Variants in OAS1 observed in about 807,000 individuals in gnomAD.
OAS1 encodes 2'-5'-oligoadenylate synthetase 1.
OAS1 carries 24 observed loss-of-function variants against 38.5 expected under a neutral mutation model. The observed-to-expected ratio is 0.62, with a 90% CI of 0.45 to 0.88. The LOEUF (loss-of-function observed/expected upper bound fraction) is 0.88, where lower values mean the gene tolerates loss of function less well. Ranked by LOEUF, OAS1 falls within the 40% of genes least tolerant of loss-of-function variation. The probability of loss-of-function intolerance (pLI) is 0.00; values close to 1 mark genes in which losing one functional copy is unlikely to be tolerated. For synonymous variants in OAS1, 169 were observed against 193.9 expected (o/e 0.87, Z 1.07); for missense variants, 482 against 493.9 (o/e 0.98, Z 0.23).
rs750148805 is a variant in OAS1 at position 112,917,542 on chromosome 12, T to G, written c.885-5T>G. 1 of 1,614,076 alleles carries G rather than the reference T, an allele frequency of 6.2e-7. No individual in the cohort carries two copies. ...ACCTGTCCCTCTCTAAATGCTGCTCTGCAGGCCTGTGATCCTGGACCCGGC... is the reference window on the plus strand; with the variant it reads ...ACCTGTCCCTCTCTAAATGCTGCTCGGCAGGCCTGTGATCCTGGACCCGGC... On this transcript the variant is annotated splice_region_variant and splice_polypyrimidine_tract_variant and intron_variant, in intron 4 of 5. Coordinates refer to ENST00000202917, the MANE Select transcript of OAS1 (RefSeq NM_016816.4).
At chr12:112,933,148 A>G (rs1016918243), downstream of OAS1, 2 of 152,090 alleles carry the variant, frequency 1.3e-5, no homozygotes, top group East Asian at 3.9e-4. Context: ...CCCCCCTTGA[A>G]CCTCACTCTA....
Position 112,916,735 on chromosome 12 carries a change from C to T in OAS1, c.881C>T (p.Pro294Leu), listed in dbSNP as rs1262255425. Reference sequence around the variant, plus strand: ...TACCTGAGAAGGCAGCTCACGAAACCCAGGTATGCTATCCCCACATGGCTT... The same window carrying T: ...TACCTGAGAAGGCAGCTCACGAAACTCAGGTATGCTATCCCCACATGGCTT... ...EKYLRRQLTK[P>L]RPVILDPADP... The change falls in exon 4 of 6, where the codon CCC (proline) becomes CTC (leucine). Residue 294 changes from proline to leucine, a missense_variant. Physicochemically the swap from Pro to Leu is moderately conservative, Grantham distance 98. Coordinates refer to ENST00000202917, the MANE Select transcript of OAS1 (RefSeq NM_016816.4). The T allele has an allele frequency of 6.2e-7, 1 of 1,610,806 alleles. No individual in the cohort carries two copies. The highest frequency in any genetic ancestry group is 8.5e-7 in the Non-Finnish European group (1 of 1,177,210).
chr12:112,925,768 A>G (rs2043554793), intron 6 of OAS1, among the ~76,000 whole-genome samples: 1 of 152,210 alleles, frequency 6.6e-6, no homozygotes, highest in Non-Finnish European at 1.5e-5. Context: ...CCTGGGCAAC[A>G]GAATGCGACC....
downstream of OAS1, among the ~76,000 whole-genome samples, chr12:112,922,501 A>G (rs558024253): frequency 1.3e-5 from 2 of 152,210 alleles, no homozygotes; most frequent in East Asian, 3.9e-4. Context: ...CTCACCATTC[A>G]TTATAGTCAT....
chr12:112,917,783 C>T (rs1255424744), intron 5 of OAS1, 83 bp downstream of exon 5: 1 of 1,613,872 alleles, frequency 6.2e-7, no homozygotes, highest in East Asian at 2.2e-5. Context: ...ACCATTCTTT[C>T]CAAAGAACTT....
At chr12:112,907,305 G>A (rs1175071210) in intron 1 of OAS1, 86 bp downstream of exon 1, 5 of 1,346,382 alleles carry the variant, frequency 3.7e-6, no homozygotes, top group Non-Finnish European at 5.2e-6. Context: ...AGAGAGAGAA[G>A]CAAAAACCTA....
downstream of OAS1, among the ~76,000 whole-genome samples, chr12:112,921,109 A>G (rs1219239094): frequency 6.6e-6 from 1 of 152,226 alleles, no homozygotes; most frequent in East Asian, 1.9e-4. Flanking sequence ...CAACCTGAGC[A>G]CAGATTCACC....
rs2043513483 is a variant in OAS1 at position 112,919,586 on chromosome 12, T to C, written c.*33T>C. On this transcript the variant is annotated 3_prime_UTR_variant, in exon 6 of 6. Coordinates refer to ENST00000202917, the MANE Select transcript of OAS1 (RefSeq NM_016816.4). The stretch of plus-strand genomic sequence containing the variant: ...TGCATCTTGGGGGAAAGGGCTCCAG[T>C]GTTATCTGGACCAGTTCCTTCATTT... 4.3e-6 allele frequency: 7 copies of C among 1,614,136 alleles called. No homozygotes were observed. Among genetic ancestry groups the C allele is most frequent in the Non-Finnish European group, 5.9e-6 (7 of 1,180,000 alleles).
At chr12:112,922,449 C>T (rs2043536334), downstream of OAS1, among the ~76,000 whole-genome samples, 1 of 152,138 alleles carries the variant, frequency 6.6e-6, no homozygotes, top group African/African-American at 2.4e-5. Flanking sequence ...TAACCAGGTC[C>T]CTAACCCTGT....
At chr12:112,932,247 G>C (rs1370178750), downstream of OAS1, 1 of 237,816 alleles carries the variant, frequency 4.2e-6, no homozygotes, top group Non-Finnish European at 8.1e-6. Context: ...TCTCAGTCTT[G>C]AGTTAGCTGT....
intron 3 of OAS1, among the ~76,000 whole-genome samples, chr12:112,913,384 G>A (rs1031704822): frequency 3.3e-5 from 5 of 152,076 alleles, no homozygotes; most frequent in Admixed American, 2.0e-4. Context: ...CTGAATCTGT[G>A]GGTAGATATC....
chr12:112,929,430 T>C (rs1451457263), intron 6 of OAS1, among the ~76,000 whole-genome samples: 2 of 152,238 alleles, frequency 1.3e-5, no homozygotes, highest in Admixed American at 6.5e-5. Flanking sequence ...AACCCCTTTA[T>C]GTATTCTTAA....
chr12:112,909,570 A>G (rs953409271), intron 2 of OAS1, among the ~76,000 whole-genome samples: 1 of 152,208 alleles, frequency 6.6e-6, no homozygotes, highest in African/African-American at 2.4e-5. Context: ...CTGAGACTGA[A>G]CGATCACATG....
chr12:112,906,985 A>G lies in OAS1; in HGVS notation c.-55A>G. On this transcript the variant is annotated 5_prime_UTR_variant, in exon 1 of 6. Transcript: ENST00000202917. ...GCAGTCCAAGCTCAGTCAGCAGAAG[A>G]GATAAAAGCAAACAGGTCTGGGAGG... 1 of 1,583,918 alleles carries G rather than the reference A, an allele frequency of 6.3e-7. No individual in the cohort carries two copies. The highest frequency in any genetic ancestry group is 8.7e-7 in the Non-Finnish European group (1 of 1,154,146).
intron 3 of OAS1, among the ~76,000 whole-genome samples, chr12:112,913,441 T>G (rs12309865): frequency 1.3e-3 from 201 of 152,270 alleles, no homozygotes; most frequent in African/African-American, 4.4e-3. Flanking sequence ...AAATATTGAT[T>G]CTCCTTCATT....
At chr12:112,929,202 A>G (rs1165222054) in intron 6 of OAS1, among the ~76,000 whole-genome samples, 1 of 152,174 alleles carries the variant, frequency 6.6e-6, no homozygotes, top group East Asian at 1.9e-4. Flanking sequence ...TCAGGCAACT[A>G]CAGGCCACTT....
chr12:112,908,597 T>C lies in OAS1; in HGVS notation c.242T>C (p.Phe81Ser), dbSNP rs1300526252. The C allele has an allele frequency of 6.2e-7, 1 of 1,614,158 alleles. No homozygotes were observed. The highest frequency in any genetic ancestry group is 2.2e-5 in the East Asian group (1 of 44,880). ...RGRSDADLVV[F>S]LSPLTTFQDQ... ...CGATCTGACGCTGACCTGGTTGTCTTCCTCAGTCCTCTCACCACTTTTCAG... is the reference window on the plus strand; with the variant it reads ...CGATCTGACGCTGACCTGGTTGTCTCCCTCAGTCCTCTCACCACTTTTCAG... Residue 81 changes from phenylalanine (F) to serine (S), a missense_variant, in exon 2 of 6, where the codon TTC becomes TCC. By Grantham distance (155) the Phe-to-Ser change is radical. Coordinates refer to ENST00000202917, the MANE Select transcript of OAS1 (RefSeq NM_016816.4).
At chr12:112,913,724 GCTAA>G (rs1339940634) in intron 3 of OAS1, among the ~76,000 whole-genome samples, 1 of 151,888 alleles carries the variant, frequency 6.6e-6, no homozygotes, top group African/African-American at 2.4e-5. Flanking sequence ...TTAATTCCCT[GCTAA>G]CTATTTAAAG....
downstream of OAS1, among the ~76,000 whole-genome samples, chr12:112,924,260 C>T (rs899588221): frequency 2.0e-5 from 3 of 152,204 alleles, no homozygotes; most frequent in Non-Finnish European, 4.4e-5. Context: ...CTTGAGTTAA[C>T]ACAACCTTGT....
Sources: allele counts gnomAD v4.1 joint callset (sites outside exome capture counted in the v4.1 genomes callset), GRCh38; gene constraint gnomAD v4.1.1; transcripts MANE v1.5; gene names NCBI Gene and HGNC (gene_info 2026-07-23, HGNC 2026-07-21).